ADK: variants seen among roughly 807,000 people sequenced by gnomAD.
The protein encoded by ADK is N6,N6-dimethyladenosine kinase.
In ADK, 24 loss-of-function variants were observed where a neutral mutation model predicts 44.7. That is an observed-to-expected ratio of 0.54 (90% CI 0.39 to 0.76). The LOEUF is 0.76. Among genes scored for constraint, ADK ranks in the 30% least tolerant of loss-of-function variants. ADK has a pLI of 0.00. For missense variants in ADK, 321 were observed against 425.1 expected (o/e 0.76, Z 2.15); for synonymous variants, 128 against 142.6 (o/e 0.90, Z 0.73).
chr10:74,190,816 G>A (rs1474727949), intron 1 of ADK, among the ~76,000 whole-genome samples: 1 of 152,122 alleles, frequency 6.6e-6, no homozygotes, highest in East Asian at 1.9e-4. Context: ...GCTTTTCAGG[G>A]CTAGCCTGGA....
intron 10 of ADK, among the ~76,000 whole-genome samples, chr10:74,684,274 A>G (rs1368389953): frequency 1.3e-5 from 2 of 152,234 alleles, no homozygotes; most frequent in African/African-American, 4.8e-5. Context: ...AGATCAAGAT[A>G]TCAAGATTGT....
At chr10:74,685,669 G>C (rs868703354) in intron 10 of ADK, among the ~76,000 whole-genome samples, 25 of 152,128 alleles carry the variant, frequency 1.6e-4, no homozygotes, top group African/African-American at 5.3e-4. Context: ...ATGGATTTAT[G>C]ATTATATCAT....
At chr10:74,352,697 G>C (rs1240886535) in intron 4 of ADK, among the ~76,000 whole-genome samples, 1 of 152,178 alleles carries the variant, frequency 6.6e-6, no homozygotes, top group Non-Finnish European at 1.5e-5. Flanking sequence ...CTAATATCCA[G>C]AATCTACAGG....
chr10:74,152,501 C>A (rs1276279580), intron 1 of ADK, among the ~76,000 whole-genome samples: 1 of 152,162 alleles, frequency 6.6e-6, no homozygotes, highest in African/African-American at 2.4e-5. Flanking sequence ...CCCTACTCTG[C>A]CCTTTATTAG....
chr10:74,222,636 A>T (rs1478787287), intron 2 of ADK, among the ~76,000 whole-genome samples: 3 of 152,212 alleles, frequency 2.0e-5, no homozygotes, highest in Admixed American at 1.3e-4. Context: ...GATAGACTGG[A>T]TTAAGAAAAT....
At chr10:74,531,030 G>A (rs974575111) in intron 7 of ADK, among the ~76,000 whole-genome samples, 3 of 152,158 alleles carry the variant, frequency 2.0e-5, no homozygotes, top group African/African-American at 7.2e-5. Context: ...TAAGTTAAAA[G>A]TACCAGAGAA....
intron 6 of ADK, among the ~76,000 whole-genome samples, chr10:74,466,082 T>G (rs1183118305): frequency 6.6e-6 from 1 of 152,180 alleles, no homozygotes; most frequent in African/African-American, 2.4e-5. Context: ...GTCTCACTAA[T>G]ATATTCGTAT....
intron 9 of ADK, chr10:74,656,206 AG>A (rs1205072505): frequency 4.4e-6 from 1 of 226,816 alleles, no homozygotes; most frequent in African/African-American, 2.3e-5. Context: ...TCTGCAACCC[AG>A]GAGAGGCCAG....
At chr10:74,685,998 G>GT (rs1406172634) in intron 10 of ADK, among the ~76,000 whole-genome samples, 1 of 152,016 alleles carries the variant, frequency 6.6e-6, no homozygotes, top group Non-Finnish European at 1.5e-5. Context: ...GTCTCGCTCT[G>GT]TTGCTTAGGC....
chr10:74,589,823 G>A (rs1412063838), intron 8 of ADK, among the ~76,000 whole-genome samples: 1 of 152,144 alleles, frequency 6.6e-6, no homozygotes, highest in African/African-American at 2.4e-5. Context: ...TTTAAATCCT[G>A]CTTTTATAAA....
At chr10:74,358,903 A>G (rs1256455377) in intron 4 of ADK, among the ~76,000 whole-genome samples, 3 of 152,162 alleles carry the variant, frequency 2.0e-5, no homozygotes, top group Admixed American at 2.0e-4. Flanking sequence ...AGAAGAAACT[A>G]GGATAATAGC....
intron 4 of ADK, among the ~76,000 whole-genome samples, chr10:74,342,014 G>T (rs1345437616): frequency 6.6e-6 from 1 of 151,348 alleles, no homozygotes; most frequent in Admixed American, 6.6e-5. Flanking sequence ...TAAGTAGCAT[G>T]AAAAAAAAGC....
chr10:74,532,337 G>A (rs1429973136), intron 7 of ADK, among the ~76,000 whole-genome samples: 1 of 152,006 alleles, frequency 6.6e-6, no homozygotes, highest in African/African-American at 2.4e-5. Flanking sequence ...AAATAGCAGG[G>A]CATGTTGGTG....
chr10:74,291,096 G>A (rs1847407059), intron 3 of ADK, among the ~76,000 whole-genome samples: 1 of 152,006 alleles, frequency 6.6e-6, no homozygotes, highest in African/African-American at 2.4e-5. Flanking sequence ...AGGAGTTTTT[G>A]GCTCATTATT....
intron 10 of ADK, among the ~76,000 whole-genome samples, chr10:74,701,982 A>C (rs1256238049): frequency 6.6e-6 from 1 of 152,104 alleles, no homozygotes; most frequent in East Asian, 1.9e-4. Context: ...CTTATTGATA[A>C]TAAATAGATT....
At chr10:74,481,642 TC>T (rs1243953244) in intron 6 of ADK, among the ~76,000 whole-genome samples, 1 of 152,230 alleles carries the variant, frequency 6.6e-6, no homozygotes, top group Non-Finnish European at 1.5e-5. Flanking sequence ...TGATGTGTGT[TC>T]CATTACTATA....
At chr10:74,183,760 G>A (rs1333714220) in intron 1 of ADK, among the ~76,000 whole-genome samples, 1 of 151,802 alleles carries the variant, frequency 6.6e-6, no homozygotes, top group Non-Finnish European at 1.5e-5. Flanking sequence ...CACCCACCTC[G>A]GCCTCCCAAA....
chr10:74,303,173 T>A (rs1020345082), intron 3 of ADK, among the ~76,000 whole-genome samples: 1 of 152,220 alleles, frequency 6.6e-6, no homozygotes, highest in Admixed American at 6.5e-5. Context: ...ATCACCTATG[T>A]ATTTTTCAGT....
At chr10:74,557,510 A>G (rs1850303082) in intron 7 of ADK, among the ~76,000 whole-genome samples, 1 of 152,144 alleles carries the variant, frequency 6.6e-6, no homozygotes, top group Non-Finnish European at 1.5e-5. Context: ...GCAGAGAGAA[A>G]ATTCTTTCAT....
Sources: allele counts gnomAD v4.1 joint callset (sites outside exome capture counted in the v4.1 genomes callset), GRCh38; gene constraint gnomAD v4.1.1; transcripts MANE v1.5; gene names NCBI Gene and HGNC (gene_info 2026-07-23, HGNC 2026-07-21).